Variants in FRAS1 observed in about 807,000 individuals in gnomAD.
FRAS1 encodes the protein Fraser extracellular matrix complex subunit 1, also known as extracellular matrix organizing protein FRAS1.
A neutral mutation model predicts 435.2 loss-of-function variants in FRAS1; 290 were observed. The observed-to-expected ratio is 0.67, with a 90% CI of 0.61 to 0.73. The LOEUF is 0.73. FRAS1 is among the 30% of genes least tolerant of loss of function. The pLI, the probability that FRAS1 is intolerant of heterozygous loss-of-function variation, is 0.00. For missense variants in FRAS1, 4,860 were observed against 5,001.5 expected, an observed-to-expected ratio of 0.97 and a Z score of 0.85; for synonymous variants, 1,800 against 1,851.0, an observed-to-expected ratio of 0.97 and a Z score of 0.71.
chr4:78,307,970 G>C (rs1306788493), intron 14 of FRAS1, 96 bp from the exon 15 acceptor site: 8 of 1,268,174 alleles, frequency 6.3e-6, no homozygotes, highest in Middle Eastern at 1.9e-4. Flanking sequence ...GGAACCAACT[G>C]ACATCCTCCT....
At chr4:78,264,106 A>G (rs1266925561) in intron 6 of FRAS1, among the ~76,000 whole-genome samples, 1 of 152,194 alleles carries the variant, frequency 6.6e-6, no homozygotes, top group Non-Finnish European at 1.5e-5. Context: ...AGTTATTGAC[A>G]CTTGGTTTGT....
Position 78,308,184 on chromosome 4 carries a change from C to G in FRAS1, c.1653C>G (p.Phe551Leu), listed in dbSNP as rs754311675. The stretch of plus-strand genomic sequence containing the variant: ...GTGAGAGCAGCTGTGGAAAAGGCTT[C>G]TACAACAGGCAGGGCACCTGTAGCG... The part of the protein sequence containing the change: ...GGCESSCGKG[F>L]YNRQGTCSAC... Residue 551 changes from phenylalanine (F) to leucine (L), a missense_variant, in exon 15 of 74, where the codon TTC becomes TTG. Phe to Leu is a conservative substitution (Grantham distance 22). Coordinates refer to ENST00000512123, the MANE Select transcript of FRAS1 (RefSeq NM_025074.7). 6.2e-7 allele frequency: 1 copy of G among 1,613,944 alleles called. No homozygotes were observed. Among genetic ancestry groups the G allele is most frequent in the South Asian group, 1.1e-5 (1 of 91,064 alleles).
chr4:78,464,363 A>G lies in FRAS1; in HGVS notation c.6889-80A>G. ...TTGTGCAAGCAATGTGTGAAAGAGAAAAGTAGAGAGCACCTACCTTGGACT... is the reference window on the plus strand; with the variant it reads ...TTGTGCAAGCAATGTGTGAAAGAGAGAAGTAGAGAGCACCTACCTTGGACT... On this transcript the variant is annotated intron_variant, in intron 48 of 73. Coordinates refer to ENST00000512123, the MANE Select transcript of FRAS1 (RefSeq NM_025074.7). 1.9e-6 allele frequency: 3 copies of G among 1,566,916 alleles called. No homozygotes were observed. In the Admixed American group the frequency reaches 5.4e-5, roughly 28 times the overall value.
chr4:78,375,309 C>A (rs1164423194), intron 25 of FRAS1, among the ~76,000 whole-genome samples: 1 of 152,152 alleles, frequency 6.6e-6, no homozygotes, highest in Non-Finnish European at 1.5e-5. Flanking sequence ...CACATGTAAT[C>A]CTCCCAACAA....
Position 78,412,973 on chromosome 4 carries a change from C to G in FRAS1, c.4313C>G (p.Ser1438Cys). The change falls in exon 32 of 74, where the codon TCC becomes TGC. Residue 1438 changes from serine to cysteine, a missense_variant. By Grantham distance (112) the Ser-to-Cys change is moderately radical (BLOSUM62 -1). Transcript: ENST00000512123. ...AQSDSFRFEV[S>C]SASNAQTRLE... Reference sequence around the variant, plus strand: ...CCAGGATGACTTTCTTTTCAGGTGTCCAGTGCCTCCAATGCCCAGACCCGC... The same window carrying G: ...CCAGGATGACTTTCTTTTCAGGTGTGCAGTGCCTCCAATGCCCAGACCCGC... 4 of 1,597,546 alleles carry G rather than the reference C, an allele frequency of 2.5e-6. No individual in the cohort carries two copies. Among genetic ancestry groups the G allele is most frequent in the Non-Finnish European group, 3.4e-6 (4 of 1,171,560 alleles).
In FRAS1 at chr4:78,255,326, G is replaced by A. The variant is rs1193700954; in HGVS notation, c.554G>A (p.Gly185Glu). The change falls in exon 6 of 74, where the codon GGG (glycine) becomes GAG (glutamate). Residue 185 changes from glycine (G) to glutamate (E), a missense_variant. By Grantham distance (98) the Gly-to-Glu change is moderately conservative. Transcript: ENST00000512123. ...SRCAKCLCRN[G>E]VAQCFTAQCQ... ...TGTGCCAAATGTCTGTGTAGAAATG[G>A]GGTTGCCCAGTGCTTCACAGCTCAG... is the stretch of plus-strand genomic sequence containing the variant. 1.3e-6 allele frequency: 2 copies of A among 1,579,666 alleles called. No individual in the cohort carries two copies. Among genetic ancestry groups the A allele is most frequent in the Admixed American group, 1.8e-5 (1 of 54,860 alleles).
intron 9 of FRAS1, among the ~76,000 whole-genome samples, 170 bp downstream of exon 9, chr4:78,267,602 CTGTT>C (rs1181441155): frequency 2.6e-5 from 4 of 152,222 alleles, no homozygotes; most frequent in Non-Finnish European, 4.4e-5. Flanking sequence ...ATGAATGTCA[CTGTT>C]TGTTCAGACT....
At chr4:78,261,839 CTTAAATAAG>C (rs1264669021) in intron 6 of FRAS1, among the ~76,000 whole-genome samples, 1 of 152,136 alleles carries the variant, frequency 6.6e-6, no homozygotes, top group Non-Finnish European at 1.5e-5. Flanking sequence ...TCACATAAAA[CTTAAATAAG>C]TTTTTATGCT....
chr4:78,364,998 A>G (rs1303032009), intron 22 of FRAS1, among the ~76,000 whole-genome samples: 2 of 152,194 alleles, frequency 1.3e-5, no homozygotes, highest in African/African-American at 4.8e-5. Context: ...TTTTTGTAAA[A>G]GGAAGATAAT....
Position 78,265,043 on chromosome 4 carries a change from G to A in FRAS1, c.622G>A (p.Val208Ile), listed in dbSNP as rs1006603182. 2 of 1,611,236 alleles carry A rather than the reference G, an allele frequency of 1.2e-6. No homozygotes were observed. The highest frequency in any genetic ancestry group is 1.1e-5 in the South Asian group (1 of 90,858). Reference protein sequence around the residue: ...FCNQDETVVRVPGKCCPQCSA... With the variant: ...FCNQDETVVRIPGKCCPQCSA... ...TGTTAAGGATGAGACTGTAGTCCGA[G>A]TCCCTGGAAAATGTTGCCCGCAGTG... Residue 208 changes from valine to isoleucine, a missense_variant, in exon 7 of 74, where the codon GTC becomes ATC. Physicochemically the swap from Val to Ile is conservative, Grantham distance 29 (BLOSUM62 3). Coordinates refer to ENST00000512123, the MANE Select transcript of FRAS1 (RefSeq NM_025074.7).
At chr4:78,214,290 A>G (rs1723649107) in intron 2 of FRAS1, among the ~76,000 whole-genome samples, 1 of 152,240 alleles carries the variant, frequency 6.6e-6, no homozygotes, top group African/African-American at 2.4e-5. Context: ...TGGATTAGGA[A>G]TAATCTAAAT....
At chr4:78,181,520 C>G in intron 2 of FRAS1, 2 of 1,611,628 alleles carry the variant, frequency 1.2e-6, no homozygotes, top group South Asian at 1.1e-5. Flanking sequence ...CATTCCACGT[C>G]CACGGCCCCC....
chr4:78,506,395 G>A (rs900606397), intron 61 of FRAS1, among the ~76,000 whole-genome samples: 19 of 152,220 alleles, frequency 1.2e-4, no homozygotes, highest in Admixed American at 5.2e-4. Flanking sequence ...CTGAGCTGTG[G>A]TGGGCTCCCC....
At chr4:78,386,192 T>C (rs1732212201) in intron 28 of FRAS1, among the ~76,000 whole-genome samples, 2 of 152,206 alleles carry the variant, frequency 1.3e-5, no homozygotes, top group African/African-American at 4.8e-5. Flanking sequence ...ACTTTTATCA[T>C]TTTAAGTCTT....
chr4:78,183,030 A>G (rs565686550), intron 2 of FRAS1, among the ~76,000 whole-genome samples: 3 of 152,090 alleles, frequency 2.0e-5, no homozygotes, highest in Non-Finnish European at 2.9e-5. Flanking sequence ...CTGGAAAAAG[A>G]GATAGAAGGA....
At chr4:78,326,907 T>G (rs1729741888) in intron 18 of FRAS1, among the ~76,000 whole-genome samples, 1 of 152,164 alleles carries the variant, frequency 6.6e-6, no homozygotes. Flanking sequence ...CAGAAATTCA[T>G]TTATTGAGAA....
chr4:78,337,488 G>T (rs1730215224), intron 19 of FRAS1, among the ~76,000 whole-genome samples, 186 bp from the exon 20 acceptor site: 1 of 152,178 alleles, frequency 6.6e-6, no homozygotes, highest in Non-Finnish European at 1.5e-5. Flanking sequence ...GGACAGTACT[G>T]CCCTTGACAT....
At chr4:78,244,778 C>T (rs1163507043) in intron 3 of FRAS1, among the ~76,000 whole-genome samples, 2 of 152,172 alleles carry the variant, frequency 1.3e-5, no homozygotes, top group African/African-American at 4.8e-5. Flanking sequence ...GTCCTGCAAC[C>T]TCCTGTCCCA....
chr4:78,401,780 ATCTCAGGTT>A (rs1732903879), intron 30 of FRAS1, among the ~76,000 whole-genome samples: 1 of 133,054 alleles, frequency 7.5e-6, no homozygotes, highest in Admixed American at 8.0e-5. Context: ...TTTCCGGTAA[ATCTCAGGTT>A]AAATTAGACC....
Sources: allele counts gnomAD v4.1 joint callset (sites outside exome capture counted in the v4.1 genomes callset), GRCh38; gene constraint gnomAD v4.1.1; transcripts MANE v1.5; gene names NCBI Gene and HGNC (gene_info 2026-07-23, HGNC 2026-07-21).